The following MPP7 variants were observed in gnomAD, a reference collection of about 807,000 sequenced individuals.
MPP7 encodes the protein MAGUK p55 subfamily member 7.
MPP7 carries 60 observed loss-of-function variants against 76.5 expected under a neutral mutation model. The ratio of observed to expected loss-of-function variants is 0.78; its 90% CI spans 0.64 to 0.97. MPP7 has a LOEUF of 0.97. MPP7 is among the 50% of genes least tolerant of loss of function. The pLI, the probability that MPP7 is intolerant of heterozygous loss-of-function variation, is 0.00. For missense variants in MPP7, 641 were observed against 694.0 expected (o/e 0.92, Z 0.86); for synonymous variants, 237 against 244.5 (o/e 0.97, Z 0.29).
At chr10:28,085,294 C>G (rs1201840877) in intron 12 of MPP7, among the ~76,000 whole-genome samples, 1 of 152,122 alleles carries the variant, frequency 6.6e-6, no homozygotes, top group Non-Finnish European at 1.5e-5. Flanking sequence ...ATCTGTAAAA[C>G]AGGGAATAAT....
intron 11 of MPP7, among the ~76,000 whole-genome samples, chr10:28,109,303 A>C (rs1160037096): frequency 3.3e-5 from 5 of 152,118 alleles, no homozygotes; most frequent in Non-Finnish European, 7.4e-5. Flanking sequence ...CAACAACAAC[A>C]ACAACAAATA....
rs869206744 is a variant in MPP7, at chr10:28,109,848, C to CAAAAAAAAAAAAAAA, written c.952+9788_952+9802dup. ...ACAGTTAGAAGGCCAGCCGCAGACGCAAAAAAAAAAAAAAAAAAAAAAAAA... is the reference window on the plus strand; with the variant it reads ...ACAGTTAGAAGGCCAGCCGCAGACGCAAAAAAAAAAAAAAAAAAAAAAAAAAAAAAAAAAAAAAAA... On this transcript the variant is annotated intron_variant, in intron 11 of 16. Transcript: ENST00000683449. Among the ~76,000 whole-genome samples the CAAAAAAAAAAAAAAA allele has an allele frequency of 3.6e-4, 7 of 19,218 alleles. 1 individual carries two copies. Among genetic ancestry groups the CAAAAAAAAAAAAAAA allele is most frequent in the African/African-American group, 1.2e-3 (5 of 4,034 alleles). The allele number at this position is 19,218 out of a possible 152,430, so 12.6% of individuals were successfully genotyped here.
At chr10:28,159,995 G>C (rs929925515) in intron 3 of MPP7, among the ~76,000 whole-genome samples, 5 of 151,946 alleles carry the variant, frequency 3.3e-5, no homozygotes, top group Non-Finnish European at 5.9e-5. Context: ...GGCAATCTCA[G>C]AGTGGCAGAG....
chr10:28,102,170 T>G (rs1301499176), intron 11 of MPP7, among the ~76,000 whole-genome samples: 8 of 152,136 alleles, frequency 5.3e-5, no homozygotes, highest in Non-Finnish European at 1.2e-4. Context: ...TTTTAAGAGA[T>G]AGGGTTTTGC....
intron 12 of MPP7, among the ~76,000 whole-genome samples, chr10:28,079,389 G>A (rs1014023198): frequency 6.6e-6 from 1 of 151,702 alleles, no homozygotes; most frequent in Non-Finnish European, 1.5e-5. Context: ...GCAGCAGTTT[G>A]CACCTGTAAT....
chr10:28,191,989 T>C (rs1837426153), intron 3 of MPP7, among the ~76,000 whole-genome samples: 1 of 152,010 alleles, frequency 6.6e-6, no homozygotes. Context: ...CCAGGCGTAG[T>C]GACGCACACC....
intron 2 of MPP7, among the ~76,000 whole-genome samples, chr10:28,223,528 T>G (rs539073962): frequency 6.6e-6 from 1 of 152,360 alleles, no homozygotes; most frequent in African/African-American, 2.4e-5. Context: ...AGATTATGTT[T>G]GTCAGAGTTC....
At chr10:28,094,634 A>T (rs931637020) in intron 11 of MPP7, among the ~76,000 whole-genome samples, 8 of 152,154 alleles carry the variant, frequency 5.3e-5, no homozygotes, top group Admixed American at 4.6e-4. Context: ...TAGCAAAAAT[A>T]AAAAAAAGCG....
Position 28,202,248 on chromosome 10 carries a change from G to C in MPP7, c.61C>G (p.Leu21Val). 7 of 1,612,674 alleles carry C rather than the reference G, an allele frequency of 4.3e-6. No homozygotes were observed. The highest frequency in any genetic ancestry group is 5.9e-6 in the Non-Finnish European group (7 of 1,178,858). The change falls in exon 3 of 17, where the codon CTG (leucine) becomes GTG (valine). Residue 21 changes from leucine to valine, a missense_variant. By Grantham distance (32) the Leu-to-Val change is conservative (BLOSUM62 1). Transcript: ENST00000683449. ...DTGLYELLAA[L>V]PAQLQPHVDS... is the part of the protein sequence containing the mutation. ...ACATGTGGCTGCAGCTGGGCTGGCA[G>C]AGCAGCCAACAGCTCATACAGACCT...
chr10:28,079,401 C>T (rs971312962), intron 12 of MPP7, among the ~76,000 whole-genome samples: 1 of 151,482 alleles, frequency 6.6e-6, no homozygotes, highest in Non-Finnish European at 1.5e-5. Flanking sequence ...ACCTGTAATC[C>T]CAGTTACTTG....
At chr10:28,234,012 G>A (rs928196040) in intron 2 of MPP7, among the ~76,000 whole-genome samples, 14 of 151,986 alleles carry the variant, frequency 9.2e-5, no homozygotes, top group African/African-American at 2.7e-4. Context: ...AAAACAAAAC[G>A]AAAAAGAAAC....
chr10:28,317,065 T>C (rs1834331730), intron 2 of MPP7, among the ~76,000 whole-genome samples: 1 of 151,892 alleles, frequency 6.6e-6, no homozygotes, highest in South Asian at 2.1e-4. Flanking sequence ...GCCAAGAAGG[T>C]GATGCAAGGG....
chr10:28,068,172 A>G (rs1434012421), intron 13 of MPP7, among the ~76,000 whole-genome samples: 1 of 152,152 alleles, frequency 6.6e-6, no homozygotes, highest in African/African-American at 2.4e-5. Flanking sequence ...ATTGCAATTC[A>G]GCTTTTGTAA....
chr10:28,110,134 AG>A (rs1374210789), intron 11 of MPP7, among the ~76,000 whole-genome samples: 2 of 149,746 alleles, frequency 1.3e-5, no homozygotes. Context: ...TCTTTTGCCC[AG>A]GATGGAGTGC....
intron 2 of MPP7, among the ~76,000 whole-genome samples, chr10:28,234,775 A>C (rs1188201733): frequency 6.6e-6 from 1 of 151,718 alleles, no homozygotes; most frequent in Non-Finnish European, 1.5e-5. Context: ...AAAATCAAGG[A>C]AAGTCTTTTG....
chr10:28,181,741 A>C (rs1317560727), intron 3 of MPP7, among the ~76,000 whole-genome samples: 2 of 152,204 alleles, frequency 1.3e-5, no homozygotes, highest in African/African-American at 2.4e-5. Flanking sequence ...AAAGAACTTT[A>C]CTCAATGAAC....
At chr10:28,234,305 C>T (rs1315117783) in intron 2 of MPP7, among the ~76,000 whole-genome samples, 1 of 151,994 alleles carries the variant, frequency 6.6e-6, no homozygotes, top group East Asian at 1.9e-4. Flanking sequence ...GGCTTATAAC[C>T]CAAAGTACAA....
At chr10:28,301,122 T>G (rs1841145365) in intron 1 of MPP7, among the ~76,000 whole-genome samples, 1 of 152,176 alleles carries the variant, frequency 6.6e-6, no homozygotes, top group Admixed American at 6.5e-5. Flanking sequence ...ATGCCCAAAC[T>G]CCTTTGGTCA....
chr10:28,270,538 G>A (rs868150349), intron 1 of MPP7, among the ~76,000 whole-genome samples: 1 of 128,914 alleles, frequency 7.8e-6, no homozygotes, highest in African/African-American at 2.9e-5. Context: ...AAAAAGGGGG[G>A]GGGGGAGGAG....
Sources: allele counts gnomAD v4.1 joint callset (sites outside exome capture counted in the v4.1 genomes callset), GRCh38; gene constraint gnomAD v4.1.1; transcripts MANE v1.5; gene names NCBI Gene and HGNC (gene_info 2026-07-23, HGNC 2026-07-21).